Variants in PCTP observed in about 807,000 individuals in gnomAD.
PCTP encodes START domain-containing protein 2.
Under a neutral mutation model 31.0 loss-of-function variants are expected in PCTP, and 27 were observed. The ratio of observed to expected loss-of-function variants is 0.87; its 90% CI spans 0.64 to 1.20. The LOEUF is 1.20. Ranked by LOEUF, PCTP falls within the 50% of genes most tolerant of loss-of-function variation. The probability of loss-of-function intolerance (pLI) is 0.00; values close to 1 mark genes in which losing one functional copy is unlikely to be tolerated. For synonymous variants in PCTP, 108 were observed against 101.2 expected (o/e 1.07, Z -0.40); for missense variants, 287 against 268.2 (o/e 1.07, Z -0.49).
At chr17:55,768,047 C>G (rs1165771575) in intron 2 of PCTP, among the ~76,000 whole-genome samples, 1 of 148,614 alleles carries the variant, frequency 6.7e-6, no homozygotes, top group Non-Finnish European at 1.5e-5. Context: ...TGAGCCAAGA[C>G]TGTACTTCAG....
downstream of PCTP, chr17:55,777,399 C>T: frequency 4.1e-6 from 4 of 979,848 alleles, no homozygotes; most frequent in Non-Finnish European, 4.8e-6. Context: ...CACTTCCTTC[C>T]TACCTTCTTC....
chr17:55,753,596 C>T (rs981441087), intron 1 of PCTP, among the ~76,000 whole-genome samples: 9 of 152,202 alleles, frequency 5.9e-5, no homozygotes, highest in African/African-American at 2.2e-4. Context: ...GTGTCTTCAA[C>T]ATGCTCCTGC....
chr17:55,830,074 A>C (rs546528192), intron 5 of PCTP, among the ~76,000 whole-genome samples: 1 of 152,334 alleles, frequency 6.6e-6, no homozygotes, highest in East Asian at 1.9e-4. Flanking sequence ...GAGAATTTGT[A>C]ATGAGCAATC....
At chr17:55,772,235 G>A (rs1336834019) in intron 3 of PCTP, among the ~76,000 whole-genome samples, 1 of 152,154 alleles carries the variant, frequency 6.6e-6, no homozygotes, top group Admixed American at 6.5e-5. Flanking sequence ...TAGTGTATAA[G>A]AGCATGGAGC....
intron 3 of PCTP, among the ~76,000 whole-genome samples, chr17:55,772,976 T>A (rs1234058362): frequency 6.6e-6 from 1 of 152,230 alleles, no homozygotes; most frequent in African/African-American, 2.4e-5. Flanking sequence ...TGATGTTACA[T>A]GATAAAGGCT....
downstream of PCTP, among the ~76,000 whole-genome samples, chr17:55,845,740 G>A (rs1464394836): frequency 1.3e-5 from 2 of 152,046 alleles, no homozygotes; most frequent in African/African-American, 4.8e-5. Context: ...GACCCCGGGC[G>A]TGTGAGGGCC....
At chr17:55,772,578 CAAAA>C (rs35394658) in intron 3 of PCTP, among the ~76,000 whole-genome samples, 2 of 78,586 alleles carry the variant, frequency 2.5e-5, no homozygotes, top group Non-Finnish European at 2.7e-5. Flanking sequence ...GACTCTGTCT[CAAAA>C]AAAAAAAAAA....
At chr17:55,821,260 CAAAT>C (rs1385306242) in intron 3 of PCTP, among the ~76,000 whole-genome samples, 1 of 152,050 alleles carries the variant, frequency 6.6e-6, no homozygotes, top group Non-Finnish European at 1.5e-5. Flanking sequence ...AACATTATGT[CAAAT>C]GAAAGAAGTC....
At chr17:55,827,038 C>CAA (rs33976207), downstream of PCTP, among the ~76,000 whole-genome samples, 3,533 of 134,866 alleles carry the variant, frequency 0.026, 141 homozygotes, top group African/African-American at 0.08. Flanking sequence ...GGTAAACAGC[C>CAA]AAAAAAAAAA....
Position 55,815,076 on chromosome 17 carries a change from C to G in PCTP, c.318-7685C>G, listed in dbSNP as rs192205379. Reference sequence around the variant, plus strand: ...GGTCTACAGCCCAGTAGAATAATCTCTTTGTAAACTTCTCTAAAATGCTTA... The same window carrying G: ...GGTCTACAGCCCAGTAGAATAATCTGTTTGTAAACTTCTCTAAAATGCTTA... On this transcript the variant is annotated intron_variant, in intron 3 of 3. Transcript: ENST00000572536. Among the ~76,000 whole-genome samples, 6 of 152,306 alleles carry G rather than the reference C, an allele frequency of 3.9e-5. No homozygotes were observed. The East Asian group carries it at 1.2e-3, about 29-fold the overall frequency.
At chr17:55,751,342 G>T in intron 1 of PCTP, 98 bp downstream of exon 1, 1 of 1,529,078 alleles carries the variant, frequency 6.5e-7, no homozygotes, top group Non-Finnish European at 8.8e-7. Flanking sequence ...AGGGACAGGG[G>T]CGCGTCTTCT....
At position 55,800,015 on chromosome 17, in the gene PCTP, T is replaced by G. The variant is rs145672269; in HGVS notation, c.317+12361T>G. Among the ~76,000 whole-genome samples the G allele has an allele frequency of 4.5e-3, 690 of 152,258 alleles. 7 individuals carry two copies. The highest frequency in any genetic ancestry group is 0.015 in the African/African-American group (629 of 41,572). On this transcript the variant is annotated intron_variant, in intron 3 of 3. Transcript: ENST00000572536. ...CTGGCTGCCCTTAACATTTTTTCCTTCATTTCAACCTTGGTGAATCTGATG... is the reference window on the plus strand; with the variant it reads ...CTGGCTGCCCTTAACATTTTTTCCTGCATTTCAACCTTGGTGAATCTGATG...
intron 3 of PCTP, 49 bp from the exon 4 acceptor site, chr17:55,773,675 G>A (rs753893951): frequency 1.3e-6 from 2 of 1,549,842 alleles, no homozygotes; most frequent in African/African-American, 1.4e-5. Context: ...CTTTCCTTCT[G>A]TCTGTCTACA....
chr17:55,829,119 C>T (rs980087549), intron 5 of PCTP, among the ~76,000 whole-genome samples: 1 of 151,614 alleles, frequency 6.6e-6, no homozygotes, highest in Non-Finnish European at 1.5e-5. Context: ...GATAGTTAAG[C>T]CAGACTTTGT....
chr17:55,751,320 G>T (rs904853175), intron 1 of PCTP, 76 bp downstream of exon 1: 4 of 1,514,990 alleles, frequency 2.6e-6, no homozygotes, highest in Non-Finnish European at 2.6e-6. Flanking sequence ...AGTGCGGGGC[G>T]GCAGTCGCGG....
At chr17:55,812,856 A>G (rs554447293) in intron 3 of PCTP, among the ~76,000 whole-genome samples, 22 of 152,326 alleles carry the variant, frequency 1.4e-4, no homozygotes, top group Non-Finnish European at 3.1e-4. Context: ...TGTCACTCAG[A>G]GATGAGAAGG....
intron 3 of PCTP, among the ~76,000 whole-genome samples, chr17:55,805,308 C>G (rs1912538984): frequency 6.6e-6 from 1 of 151,838 alleles, no homozygotes; most frequent in Non-Finnish European, 1.5e-5. Context: ...TACCCATTAC[C>G]CAATAGTGAA....
chr17:55,764,535 A>G (rs1910533189), intron 1 of PCTP, among the ~76,000 whole-genome samples: 1 of 152,170 alleles, frequency 6.6e-6, no homozygotes. Context: ...GCTGGTTGGA[A>G]ATTCTTGGTA....
intron 2 of PCTP, among the ~76,000 whole-genome samples, chr17:55,786,218 G>A (rs1369916805): frequency 1.3e-5 from 2 of 152,200 alleles, no homozygotes; most frequent in Non-Finnish European, 2.9e-5. Context: ...GGGAGGTAGT[G>A]GAGGTTGCAG....
Sources: gnomAD v4.1 joint callset for allele counts (sites outside exome capture counted in the v4.1 genomes callset) on GRCh38, gnomAD v4.1.1 for gene constraint, MANE v1.5 for transcripts, NCBI Gene and HGNC (gene_info 2026-07-23, HGNC 2026-07-21) for gene names.